KHDRBS2: variants seen among roughly 807,000 people sequenced by gnomAD.
The protein encoded by KHDRBS2 is KH domain-containing, RNA-binding, signal transduction-associated protein 2.
A neutral mutation model predicts 44.3 loss-of-function variants in KHDRBS2; 26 were observed. That is an observed-to-expected ratio of 0.59 (90% CI 0.43 to 0.81). The LOEUF is 0.81. Ranked by LOEUF, KHDRBS2 falls within the 40% of genes least tolerant of loss-of-function variation. KHDRBS2 has a pLI of 0.00. For synonymous variants in KHDRBS2, 194 were observed against 151.1 expected (o/e 1.28, Z -2.08); for missense variants, 476 against 433.1 (o/e 1.10, Z -0.88).
intron 2 of KHDRBS2, among the ~76,000 whole-genome samples, chr6:62,139,152 A>G (rs1385487733): frequency 6.6e-6 from 1 of 152,130 alleles, no homozygotes; most frequent in Admixed American, 6.5e-5. Flanking sequence ...ATTCACAAAA[A>G]TTTTCAGAAA....
intron 4 of KHDRBS2, among the ~76,000 whole-genome samples, chr6:61,914,458 A>G (rs1328856572): frequency 6.9e-6 from 1 of 145,382 alleles, no homozygotes; most frequent in East Asian, 2.2e-4. Context: ...GAACTGAACA[A>G]TGAGAACACA....
At chr6:61,900,945 T>C (rs555975940) in intron 5 of KHDRBS2, among the ~76,000 whole-genome samples, 1 of 152,302 alleles carries the variant, frequency 6.6e-6, no homozygotes, top group African/African-American at 2.4e-5. Context: ...TTGTTAAAAG[T>C]ATAAAATGTG....
intron 3 of KHDRBS2, among the ~76,000 whole-genome samples, chr6:62,036,372 T>C (rs1785286819): frequency 1.3e-5 from 2 of 151,862 alleles, no homozygotes; most frequent in South Asian, 4.1e-4. Context: ...AAGGGAAAAA[T>C]AGATACAGGG....
At chr6:62,109,084 A>T (rs909017427) in intron 2 of KHDRBS2, among the ~76,000 whole-genome samples, 6 of 142,368 alleles carry the variant, frequency 4.2e-5, no homozygotes, top group Non-Finnish European at 6.2e-5. Context: ...GTACCCTAAA[A>T]CTTAAAGTAT....
chr6:62,152,110 G>A (rs1466059967), intron 2 of KHDRBS2, among the ~76,000 whole-genome samples: 3 of 152,030 alleles, frequency 2.0e-5, no homozygotes, highest in Non-Finnish European at 4.4e-5. Flanking sequence ...ACCTGAGGTT[G>A]GGAGTTCGAG....
At chr6:62,047,414 TTC>T (rs1365483490) in intron 3 of KHDRBS2, among the ~76,000 whole-genome samples, 1 of 151,928 alleles carries the variant, frequency 6.6e-6, no homozygotes, top group Non-Finnish European at 1.5e-5. Context: ...ATAAGCAGGA[TTC>T]TCTTAGATTT....
intron 6 of KHDRBS2, among the ~76,000 whole-genome samples, chr6:61,889,166 A>C (rs1476883995): frequency 1.3e-5 from 2 of 152,214 alleles, no homozygotes; most frequent in East Asian, 3.8e-4. Context: ...GTATTTATGC[A>C]TGCTTATAAG....
At chr6:61,743,998 A>T (rs1230548238) in intron 6 of KHDRBS2, among the ~76,000 whole-genome samples, 2 of 151,956 alleles carry the variant, frequency 1.3e-5, no homozygotes, top group South Asian at 2.1e-4. Flanking sequence ...CATGGTGTAT[A>T]TGTGCCACAT....
intron 2 of KHDRBS2, among the ~76,000 whole-genome samples, chr6:62,051,026 G>T (rs541997971): frequency 1.3e-5 from 2 of 152,130 alleles, no homozygotes; most frequent in South Asian, 4.1e-4. Context: ...ATTATGTTAG[G>T]TTCCACTATT....
intron 4 of KHDRBS2, among the ~76,000 whole-genome samples, chr6:61,954,836 G>GTGTACA (rs1445904774): frequency 3.3e-5 from 1 of 30,064 alleles, no homozygotes; most frequent in African/African-American, 1.2e-4. Flanking sequence ...ACATGCATAT[G>GTGTACA]TATGTATACA....
chr6:61,558,414 T>G, the KHDRBS2 span, among the ~76,000 whole-genome samples: 1 of 151,996 alleles, frequency 6.6e-6, no homozygotes, highest in Non-Finnish European at 1.5e-5. Context: ...ACAAAAAATT[T>G]AGCTGTACAT....
At chr6:61,880,081 G>A (rs1799995880) in intron 6 of KHDRBS2, among the ~76,000 whole-genome samples, 1 of 151,808 alleles carries the variant, frequency 6.6e-6, no homozygotes, top group Non-Finnish European at 1.5e-5. Context: ...GGCAAATCAG[G>A]AGGAATTCTA....
At chr6:61,870,872 A>G (rs954039131) in intron 6 of KHDRBS2, among the ~76,000 whole-genome samples, 6 of 152,138 alleles carry the variant, frequency 3.9e-5, no homozygotes, top group African/African-American at 1.4e-4. Flanking sequence ...TCAAAGACCA[A>G]AGGTAGATAA....
intron 2 of KHDRBS2, among the ~76,000 whole-genome samples, chr6:62,060,792 G>T (rs1212013732): frequency 3.3e-5 from 5 of 151,792 alleles, no homozygotes; most frequent in Non-Finnish European, 7.4e-5. Flanking sequence ...CATAGTTGGA[G>T]AATATAATTC....
Position 61,684,863 on chromosome 6 carries a change from T to A in KHDRBS2, c.953-3803A>T, listed in dbSNP as rs576517150. 2.5e-3 allele frequency among the ~76,000 whole-genome samples: 384 copies of A among 151,620 alleles called. 1 individual carries two copies. Among genetic ancestry groups the A allele is most frequent in the Non-Finnish European group, 4.5e-3 (304 of 67,812 alleles). ...ATTGCCACCCTTTTTTGGCTTCCAA[T>A]TCAGGCTTTAAAGTATCATATATTA... On this transcript the variant is annotated intron_variant, in intron 8 of 8. Transcript: ENST00000281156.
Position 61,907,026 on chromosome 6 carries a change from A to G in KHDRBS2, c.484-5655T>C, listed in dbSNP as rs537796646. On this transcript the variant is annotated intron_variant, in intron 4 of 8. Coordinates refer to ENST00000281156, the MANE Select transcript of KHDRBS2 (RefSeq NM_152688.4). ...CTGGTACAAATTTACATTCCCACCA[A>G]ACAGTGTATGAGGGTTTCCCTTTCT... Among the ~76,000 whole-genome samples the G allele has an allele frequency of 1.6e-3, 240 of 152,274 alleles. 7 individuals are homozygous for G. In the South Asian group the frequency reaches 0.046, roughly 29 times the overall value.
At chr6:62,218,749 A>G (rs919588673) in intron 1 of KHDRBS2, among the ~76,000 whole-genome samples, 1 of 151,944 alleles carries the variant, frequency 6.6e-6, no homozygotes, top group African/African-American at 2.4e-5. Flanking sequence ...TGTTCACAGT[A>G]GCAAAGACAG....
chr6:62,098,250 T>A (rs1213771849), intron 2 of KHDRBS2, among the ~76,000 whole-genome samples: 1 of 151,862 alleles, frequency 6.6e-6, no homozygotes, highest in Non-Finnish European at 1.5e-5. Context: ...AAACGTTTTT[T>A]TTTTTTTTTT....
intron 6 of KHDRBS2, among the ~76,000 whole-genome samples, chr6:61,734,179 T>C (rs1774952834): frequency 6.6e-6 from 1 of 152,186 alleles, no homozygotes; most frequent in African/African-American, 2.4e-5. Context: ...CGAAGCTTTC[T>C]GAATCTAACT....
Sources: gnomAD v4.1 joint callset for allele counts (sites outside exome capture counted in the v4.1 genomes callset) on GRCh38, gnomAD v4.1.1 for gene constraint, MANE v1.5 for transcripts, NCBI Gene and HGNC (gene_info 2026-07-23, HGNC 2026-07-21) for gene names.